The following CDKN2A variants were observed in gnomAD, a reference collection of about 807,000 sequenced individuals.
The protein encoded by CDKN2A is cyclin-dependent kinase inhibitor 2A.
In CDKN2A, 3 loss-of-function variants were observed where a neutral mutation model predicts 11.1. That is an observed-to-expected ratio of 0.27 (90% CI 0.12 to 0.70). The LOEUF is 0.70. Ranked by LOEUF, CDKN2A falls within the 30% of genes least tolerant of loss-of-function variation. The probability of loss-of-function intolerance (pLI) is 0.77; values close to 1 mark genes in which losing one functional copy is unlikely to be tolerated. For synonymous variants in CDKN2A, 122 were observed against 108.1 expected (o/e 1.13, Z -0.80); for missense variants, 265 against 233.6 (o/e 1.13, Z -0.88).
chr9:21,978,161 A>G (rs991306494), upstream of CDKN2A, among the ~76,000 whole-genome samples: 3 of 151,788 alleles, frequency 2.0e-5, no homozygotes, highest in Non-Finnish European at 4.4e-5. Context: ...AGATATACCT[A>G]ATGCTAAATG....
chr9:21,993,040 A>T (rs1433091318), intron 2 of CDKN2A, among the ~76,000 whole-genome samples: 1 of 152,246 alleles, frequency 6.6e-6, no homozygotes, highest in African/African-American at 2.4e-5. Flanking sequence ...ACTAAATTAA[A>T]CACTGATAGT....
intron 2 of CDKN2A, among the ~76,000 whole-genome samples, chr9:21,982,834 T>C (rs562742788): frequency 5.9e-5 from 9 of 151,870 alleles, no homozygotes; most frequent in African/African-American, 2.2e-4. Context: ...AGCTGTCCCA[T>C]GGGATAGAGA....
chr9:21,973,443 A>G (rs1209295173), intron 1 of CDKN2A, among the ~76,000 whole-genome samples: 1 of 152,210 alleles, frequency 6.6e-6, no homozygotes, highest in Non-Finnish European at 1.5e-5. Flanking sequence ...AAAATTGTCA[A>G]AACTATCCAC....
chr9:21,969,767 C>T (rs1226196835), intron 2 of CDKN2A: 2 of 397,972 alleles, frequency 5.0e-6, no homozygotes, highest in Non-Finnish European at 8.9e-6. Flanking sequence ...CCTTCTTCAC[C>T]TCCCGGGACC....
At chr9:21,972,957 T>A (rs898812268) in intron 1 of CDKN2A, among the ~76,000 whole-genome samples, 1 of 152,232 alleles carries the variant, frequency 6.6e-6, no homozygotes, top group African/African-American at 2.4e-5. Context: ...CAAGGAATTA[T>A]ACTAAATTAT....
intron 2 of CDKN2A, among the ~76,000 whole-genome samples, chr9:21,984,111 C>T (rs1820252836): frequency 6.6e-6 from 1 of 151,902 alleles, no homozygotes; most frequent in African/African-American, 2.4e-5. Context: ...TTTAGGTCAT[C>T]AAAATAAATG....
chr9:21,989,617 G>A (rs1587353650), intron 2 of CDKN2A: 1 of 152,118 alleles, frequency 6.6e-6, no homozygotes, highest in African/African-American at 2.4e-5. Flanking sequence ...TGGTTCCTCC[G>A]GGTAACCCTG....
chr9:21,980,611 A>AT (rs1820148227), intron 2 of CDKN2A, among the ~76,000 whole-genome samples: 1 of 152,148 alleles, frequency 6.6e-6, no homozygotes, highest in Admixed American at 6.5e-5. Context: ...TGTCAATATT[A>AT]ATTAAGAAAG....
Position 21,971,041 on chromosome 9 carries a change from C to T in CDKN2A, c.318G>A (p.Val106=), listed in dbSNP as rs199888003. The T allele has an allele frequency of 3.2e-4, 513 of 1,605,694 alleles. No individual in the cohort carries two copies. The highest frequency in any genetic ancestry group is 4.2e-4 in the Non-Finnish European group (490 of 1,179,350). Residue 106 remains valine (V), a synonymous_variant, in exon 2 of 3, where the codon GTG becomes GTA. Transcript: ENST00000304494. ...VLHRAGARLD[V]RDAWGRLPVD... ...CGGGCAGACGGCCCCAGGCATCGCG[C>T]ACGTCCAGCCGCGCCCCGGCCCGGT...
At position 21,967,856 on chromosome 9, in the gene CDKN2A, G is replaced by T; in HGVS notation, c.*373C>A. Reference sequence around the variant, plus strand: ...CCAGTAACCCCCCTGAGCTTCCCTAGTTCACAAAATGCTTGTCATGAAGTC... The same window carrying T: ...CCAGTAACCCCCCTGAGCTTCCCTATTTCACAAAATGCTTGTCATGAAGTC... On this transcript the variant is annotated 3_prime_UTR_variant, in exon 3 of 3. Transcript: ENST00000304494. The T allele has an allele frequency of 3.0e-6, 1 of 336,954 alleles. No individual in the cohort carries two copies. The highest frequency in any genetic ancestry group is 5.5e-6 in the Non-Finnish European group (1 of 183,120). The allele number at this position is 336,954 out of a possible 1,614,324, so 20.9% of individuals were successfully genotyped here.
rs146179135 is a variant in CDKN2A at position 21,970,986 on chromosome 9, C to T, written c.373G>A (p.Asp125Asn). 2 of 1,610,302 alleles carry T rather than the reference C, an allele frequency of 1.2e-6. No homozygotes were observed. Among genetic ancestry groups the T allele is most frequent in the Non-Finnish European group, 1.7e-6 (2 of 1,180,010 alleles). ...VDLAEELGHRDVARYLRAAAG... is the reference protein window; with the variant it reads ...VDLAEELGHRNVARYLRAAAG... Reference sequence around the variant, plus strand: ...GCCGCGCGCAGGTACCGTGCGACATCGCGATGGCCCAGCTCCTCAGCCAGG... The same window carrying T: ...GCCGCGCGCAGGTACCGTGCGACATTGCGATGGCCCAGCTCCTCAGCCAGG... Residue 125 changes from aspartate to asparagine, a missense_variant, in exon 2 of 3, where the codon GAT becomes AAT. Coordinates refer to ENST00000304494, the MANE Select transcript of CDKN2A (RefSeq NM_000077.5).
chr9:21,977,719 G>A (rs1257674725), upstream of CDKN2A, among the ~76,000 whole-genome samples: 4 of 152,122 alleles, frequency 2.6e-5, no homozygotes, highest in African/African-American at 9.7e-5. Flanking sequence ...TCCTTCAAGA[G>A]TCTGTTGAAA....
chr9:21,984,433 T>G (rs897380434), intron 2 of CDKN2A, among the ~76,000 whole-genome samples: 4 of 152,042 alleles, frequency 2.6e-5, no homozygotes, highest in Admixed American at 2.6e-4. Flanking sequence ...CAGTTAAAAC[T>G]GAGGAATTGC....
chr9:21,992,212 T>C, intron 2 of CDKN2A: 1 of 925,188 alleles, frequency 1.1e-6, no homozygotes, highest in Non-Finnish European at 1.3e-6. Context: ...CACTTGTGCC[T>C]CTCAAGGAAT....
intron 2 of CDKN2A, chr9:21,969,723 AC>A: frequency 2.5e-6 from 1 of 393,180 alleles, no homozygotes; most frequent in African/African-American, 2.1e-5. Flanking sequence ...CTAAATCGGG[AC>A]CCGGATGCTA....
chr9:21,990,975 G>T (rs955423338), intron 2 of CDKN2A, among the ~76,000 whole-genome samples: 1 of 152,096 alleles, frequency 6.6e-6, no homozygotes, highest in East Asian at 1.9e-4. Context: ...ATCTCATTGG[G>T]CAACAAATAG....
rs1485625471 is a variant in CDKN2A at position 21,991,363 on chromosome 9, ATTC to A, written c.-4+2516_-4+2518del. On this transcript the variant is annotated intron_variant, in intron 2 of 3. Transcript: ENST00000494262. The surrounding 1 kb of genome is among the most constrained non-coding windows in gnomAD (Gnocchi z 5.2). ...TGTATTTAATGTGTGTCCCAAGACA[ATTC>A]TTCTTCTTCCTATGTGGCCCAGGGA... 2.6e-5 allele frequency among the ~76,000 whole-genome samples: 4 copies of A among 152,048 alleles called. 1 individual carries two copies. Among genetic ancestry groups the A allele is most frequent in the African/African-American group, 9.6e-5 (4 of 41,472 alleles).
At position 21,968,865 on chromosome 9, in the gene CDKN2A, T is replaced by C; in HGVS notation, c.458-623A>G. On this transcript the variant is annotated intron_variant, in intron 2 of 2. Transcript: ENST00000304494. The surrounding 1 kb of genome is among the most constrained non-coding windows in gnomAD (Gnocchi z 4.7). Reference sequence around the variant, plus strand: ...TATGGGCTCCAGCTCGCCGTTCGGTTCTCCCGAGGCAGCATTTACACTTGA... The same window carrying C: ...TATGGGCTCCAGCTCGCCGTTCGGTCCTCCCGAGGCAGCATTTACACTTGA... The C allele has an allele frequency of 1.6e-6, 2 of 1,260,704 alleles. No individual in the cohort carries two copies. Among genetic ancestry groups the C allele is most frequent in the Non-Finnish European group, 2.2e-6 (2 of 896,106 alleles). The allele number at this position is 1,260,704 out of a possible 1,614,324, so 78.1% of individuals were successfully genotyped here.
At position 21,991,625 on chromosome 9, in the gene CDKN2A, T is replaced by C. The variant is rs1268354817; in HGVS notation, c.-4+2257A>G. The stretch of plus-strand genomic sequence containing the variant: ...AGTTTTTCATATGTTGGGAAAATGG[T>C]TTAGCTTAACTCTATCATGGTAGTT... On this transcript the variant is annotated intron_variant, in intron 2 of 3. Coordinates refer to the CDKN2A transcript ENST00000494262. The surrounding 1 kb of genome is among the most constrained non-coding windows in gnomAD (Gnocchi z 5.2). The C allele has an allele frequency of 2.0e-6, 2 of 982,254 alleles. No individual in the cohort carries two copies. The highest frequency in any genetic ancestry group is 3.5e-5 in the African/African-American group (2 of 57,190). The allele number at this position is 982,254 out of a possible 1,614,324, so 60.8% of individuals were successfully genotyped here.
Sources: allele counts gnomAD v4.1 joint callset (sites outside exome capture counted in the v4.1 genomes callset), GRCh38; gene constraint gnomAD v4.1.1; non-coding constraint Gnocchi (gnomAD v3.1); transcripts MANE v1.5; gene names NCBI Gene and HGNC (gene_info 2026-07-23, HGNC 2026-07-21).